RGS7: variants seen among roughly 807,000 people sequenced by gnomAD.
The protein encoded by RGS7 is regulator of G protein signaling 7.
Under a neutral mutation model 81.1 loss-of-function variants are expected in RGS7, and 27 were observed. The observed-to-expected ratio is 0.33, with a 90% confidence interval of 0.25 to 0.46. The LOEUF (loss-of-function observed/expected upper bound fraction) is 0.46, where lower values mean the gene tolerates loss of function less well. Ranked by LOEUF, RGS7 falls within the 20% of genes least tolerant of loss-of-function variation. The pLI is 1.00. For missense variants in RGS7, 396 were observed against 607.4 expected, an observed-to-expected ratio of 0.65 and a Z score of 3.66; for synonymous variants, 208 against 207.7, an observed-to-expected ratio of 1.00 and a Z score of -0.01.
chr1:240,799,438 T>C (rs1687665405), intron 18 of RGS7, among the ~76,000 whole-genome samples: 1 of 151,824 alleles, frequency 6.6e-6, no homozygotes. Flanking sequence ...ATGTAACTTC[T>C]GGGATTTCTC....
At chr1:241,198,018 T>A (rs947974247) in intron 2 of RGS7, among the ~76,000 whole-genome samples, 2 of 151,924 alleles carry the variant, frequency 1.3e-5, no homozygotes, top group Non-Finnish European at 2.9e-5. Context: ...TGAAGTATAT[T>A]TTCCAACCTA....
At chr1:240,858,899 G>A (rs1297650203) in intron 9 of RGS7, among the ~76,000 whole-genome samples, 3 of 152,132 alleles carry the variant, frequency 2.0e-5, no homozygotes, top group African/African-American at 7.2e-5. Flanking sequence ...CTAATATTTT[G>A]TTGAGGATTT....
intron 10 of RGS7, among the ~76,000 whole-genome samples, chr1:240,823,803 GTC>G (rs1354289350): frequency 7.9e-5 from 12 of 151,656 alleles, no homozygotes; most frequent in Non-Finnish European, 1.5e-4. Flanking sequence ...CTCTGTCTCT[GTC>G]TCTCTCCCCC....
At chr1:241,110,702 T>G (rs1214490850) in intron 2 of RGS7, among the ~76,000 whole-genome samples, 1 of 151,764 alleles carries the variant, frequency 6.6e-6, no homozygotes. Flanking sequence ...CTCTTTTTTT[T>G]TTTTTGAGAC....
At chr1:241,037,706 G>C (rs573913501) in intron 3 of RGS7, among the ~76,000 whole-genome samples, 51 of 135,614 alleles carry the variant, frequency 3.8e-4, no homozygotes, top group Middle Eastern at 7.3e-3. Flanking sequence ...GGGCAATAGA[G>C]TGAGACTCCA....
At chr1:240,881,086 C>T (rs1036108834) in intron 6 of RGS7, among the ~76,000 whole-genome samples, 9 of 152,160 alleles carry the variant, frequency 5.9e-5, no homozygotes, top group African/African-American at 1.7e-4. Flanking sequence ...AAAACACATA[C>T]TGCAATTATT....
intron 2 of RGS7, among the ~76,000 whole-genome samples, chr1:241,122,262 C>T (rs1216393972): frequency 1.3e-5 from 2 of 152,268 alleles, no homozygotes; most frequent in South Asian, 2.1e-4. Context: ...TTAGCATTCT[C>T]GTTACTCTCC....
chr1:241,295,836 G>T (rs530996864), intron 2 of RGS7, among the ~76,000 whole-genome samples: 4 of 152,228 alleles, frequency 2.6e-5, no homozygotes, highest in African/African-American at 9.6e-5. Context: ...AGTGACAAAA[G>T]AGAGGACATG....
intron 4 of RGS7, among the ~76,000 whole-genome samples, chr1:240,978,656 A>T (rs1394812535): frequency 6.6e-6 from 1 of 152,200 alleles, no homozygotes; most frequent in Non-Finnish European, 1.5e-5. Flanking sequence ...CGAGATGTAG[A>T]AAAGAGTGAA....
At chr1:241,069,785 G>A (rs2062319047) in intron 3 of RGS7, among the ~76,000 whole-genome samples, 1 of 152,036 alleles carries the variant, frequency 6.6e-6, no homozygotes, top group African/African-American at 2.4e-5. Context: ...GATTGGAACA[G>A]GATAATAGAA....
At chr1:241,075,680 C>T (rs1408179743) in intron 3 of RGS7, among the ~76,000 whole-genome samples, 1 of 152,180 alleles carries the variant, frequency 6.6e-6, no homozygotes, top group East Asian at 1.9e-4. Flanking sequence ...TCATTCTGGG[C>T]CACATGCAGC....
intron 3 of RGS7, among the ~76,000 whole-genome samples, chr1:241,071,900 A>AAAAAAAC: frequency 6.6e-6 from 1 of 150,878 alleles, no homozygotes; most frequent in East Asian, 1.9e-4. Flanking sequence ...AAAAAACAAG[A>AAAAAAAC]AAGAAAGAAG....
Position 240,896,417 on chromosome 1 carries a change from G to T in RGS7, c.386-26298C>A, listed in dbSNP as rs7526503. On this transcript the variant is annotated intron_variant, in intron 6 of 18. Coordinates refer to ENST00000440928, the MANE Select transcript of RGS7 (RefSeq NM_001364886.1). The stretch of plus-strand genomic sequence containing the variant: ...ACTTTTAGGGTTTGTATGGTTTTAG[G>T]TCTAACATTTAAGTCTTTAATCCAT... Among the ~76,000 whole-genome samples, 349 of 152,286 alleles carry T rather than the reference G, an allele frequency of 2.3e-3. 1 individual carries two copies. The highest frequency in any genetic ancestry group is 4.3e-3 in the Non-Finnish European group (290 of 68,030).
intron 2 of RGS7, among the ~76,000 whole-genome samples, chr1:241,252,095 G>C (rs2076859840): frequency 6.6e-6 from 1 of 150,548 alleles, no homozygotes; most frequent in African/African-American, 2.5e-5. Flanking sequence ...CCAGGCTGGA[G>C]TGCAATGGTG....
chr1:241,270,383 G>T (rs1291596542), intron 2 of RGS7, among the ~76,000 whole-genome samples: 4 of 152,098 alleles, frequency 2.6e-5, no homozygotes, highest in Non-Finnish European at 4.4e-5. Flanking sequence ...CATTTACCTT[G>T]GGATGCAGAA....
At chr1:240,972,908 G>A (rs12409367) in intron 4 of RGS7, among the ~76,000 whole-genome samples, 62,290 of 149,088 alleles carry the variant, frequency 0.42, 13,450 homozygotes, top group East Asian at 0.67. Context: ...TATCAGCTGA[G>A]TGTGGTGATA....
At position 241,286,416 on chromosome 1, in the gene RGS7, C is replaced by T. The variant is rs112370268; in HGVS notation, c.78+69283G>A. 4.7e-3 allele frequency among the ~76,000 whole-genome samples: 712 copies of T among 152,252 alleles called. 4 individuals carry two copies. Among genetic ancestry groups the T allele is most frequent in the African/African-American group, 0.016 (659 of 41,522 alleles). On this transcript the variant is annotated intron_variant, in intron 2 of 18. Coordinates refer to ENST00000440928, the MANE Select transcript of RGS7 (RefSeq NM_001364886.1). The stretch of plus-strand genomic sequence containing the variant: ...ATCGTTTCTTATTATTACACATACA[C>T]GCCACTTCCGTTCCTTCCATCTAAA...
rs144602082 is a variant in RGS7, at chr1:241,026,619, T to A, written c.176-43490A>T. Among the ~76,000 whole-genome samples the A allele has an allele frequency of 3.7e-3, 570 of 152,040 alleles. 3 individuals are homozygous for A. The highest frequency in any genetic ancestry group is 0.013 in the African/African-American group (527 of 41,464). On this transcript the variant is annotated intron_variant, in intron 3 of 18. Transcript: ENST00000440928. Reference sequence around the variant, plus strand: ...AAAAAAAATTATTGAGTGCTGTTTATCTGCCAGGCACTACACTGGGCACTG... The same window carrying A: ...AAAAAAAATTATTGAGTGCTGTTTAACTGCCAGGCACTACACTGGGCACTG...
chr1:241,196,746 G>C (rs183214423), intron 2 of RGS7, among the ~76,000 whole-genome samples: 1 of 152,114 alleles, frequency 6.6e-6, no homozygotes, highest in African/African-American at 2.4e-5. Context: ...TAAGTATTTA[G>C]AAAATTGTAA....
Sources: allele counts gnomAD v4.1 joint callset (sites outside exome capture counted in the v4.1 genomes callset), GRCh38; gene constraint gnomAD v4.1.1; transcripts MANE v1.5; gene names NCBI Gene and HGNC (gene_info 2026-07-23, HGNC 2026-07-21).